Variants in TNR observed in about 807,000 individuals in gnomAD.
TNR encodes the protein tenascin-R.
TNR carries 45 observed loss-of-function variants against 150.4 expected under a neutral mutation model. The ratio of observed to expected loss-of-function variants is 0.30; its 90% confidence interval spans 0.24 to 0.38. The LOEUF is 0.38. Ranked by LOEUF, TNR falls within the 10% of genes least tolerant of loss-of-function variation. TNR has a pLI of 1.00. For missense variants in TNR, 1,544 were observed against 1,759.1 expected (o/e 0.88, Z 2.19); for synonymous variants, 687 against 678.4 (o/e 1.01, Z -0.20).
chr1:175,396,464 A>C lies in TNR; in HGVS notation c.1240+80T>G, dbSNP rs551883093. ...TCCAGGCATCCCTGAAGAACTAAGA[A>C]AAGACGCTACTATCATGAATGCCCA... On this transcript the variant is annotated intron_variant, in intron 5 of 22. Coordinates refer to ENST00000367674, the MANE Select transcript of TNR (RefSeq NM_003285.3). 23 of 1,520,102 alleles carry C rather than the reference A, an allele frequency of 1.5e-5. No individual in the cohort carries two copies. In the Admixed American group the frequency reaches 4.3e-4, roughly 28 times the overall value. The allele number at this position is 1,520,102 out of a possible 1,614,324, so 94.2% of individuals were successfully genotyped here.
intron 14 of TNR, among the ~76,000 whole-genome samples, chr1:175,360,885 A>G (rs1651559512): frequency 6.6e-6 from 1 of 152,210 alleles, no homozygotes; most frequent in Non-Finnish European, 1.5e-5. Context: ...ATAGACCTCA[A>G]CGTAAAACCA....
chr1:175,400,787 C>T (rs58805689), intron 4 of TNR, among the ~76,000 whole-genome samples: 1 of 152,160 alleles, frequency 6.6e-6, no homozygotes. Context: ...TGTGTGCACC[C>T]GGCCAGGAAC....
intron 9 of TNR, among the ~76,000 whole-genome samples, chr1:175,372,005 G>A (rs1410578617): frequency 6.6e-6 from 1 of 151,878 alleles, no homozygotes; most frequent in African/African-American, 2.4e-5. Context: ...GGTCATGGGG[G>A]TGGATCCCTC....
chr1:175,565,096 C>T (rs1489683605), intron 1 of TNR, among the ~76,000 whole-genome samples: 1 of 152,188 alleles, frequency 6.6e-6, no homozygotes, highest in Non-Finnish European at 1.5e-5. Flanking sequence ...ATGGTTCAGC[C>T]CATAAAGAAT....
chr1:175,394,895 T>TG (rs1342675501), intron 5 of TNR, among the ~76,000 whole-genome samples: 7 of 152,128 alleles, frequency 4.6e-5, no homozygotes, highest in Non-Finnish European at 1.0e-4. Flanking sequence ...ACCTCATCAC[T>TG]GTGCATGCAT....
At chr1:175,683,134 G>T (rs1156704820) in intron 1 of TNR, among the ~76,000 whole-genome samples, 1 of 151,994 alleles carries the variant, frequency 6.6e-6, no homozygotes. Context: ...TTTGTGCACT[G>T]GTCAAAAGAT....
At chr1:175,402,058 A>C (rs1331674542) in intron 4 of TNR, among the ~76,000 whole-genome samples, 1 of 152,180 alleles carries the variant, frequency 6.6e-6, no homozygotes, top group Non-Finnish European at 1.5e-5. Context: ...CTGTAATCCC[A>C]GCACTTTGGG....
chr1:175,355,358 G>C, intron 17 of TNR, 145 bp downstream of exon 17: 1 of 1,132,954 alleles, frequency 8.8e-7, no homozygotes, highest in Non-Finnish European at 1.2e-6. Flanking sequence ...AGCAGGCTGG[G>C]TATCCTTGAT....
At chr1:175,629,535 T>C (rs1245905488) in intron 1 of TNR, among the ~76,000 whole-genome samples, 1 of 151,946 alleles carries the variant, frequency 6.6e-6, no homozygotes, top group South Asian at 2.1e-4. Flanking sequence ...AGGGGACAGG[T>C]GGGACTGGCC....
intron 1 of TNR, among the ~76,000 whole-genome samples, chr1:175,568,468 T>C (rs1454407040): frequency 6.6e-6 from 1 of 152,228 alleles, no homozygotes; most frequent in Non-Finnish European, 1.5e-5. Flanking sequence ...TCCTTCACTT[T>C]ACAAGAGGTG....
At chr1:175,647,924 T>A (rs1664853642) in intron 1 of TNR, among the ~76,000 whole-genome samples, 1 of 152,166 alleles carries the variant, frequency 6.6e-6, no homozygotes, top group South Asian at 2.1e-4. Context: ...CCTTCTCAAC[T>A]GTGTTCAAGT....
chr1:175,417,232 G>T (rs1042569192), intron 2 of TNR, among the ~76,000 whole-genome samples: 1 of 152,120 alleles, frequency 6.6e-6, no homozygotes, highest in Non-Finnish European at 1.5e-5. Flanking sequence ...GGTGAGCAGA[G>T]ATGAGTGTGG....
At chr1:175,354,544 AG>A (rs774281122) in intron 17 of TNR, 21 bp from the exon 18 acceptor site, 49 of 1,613,746 alleles carry the variant, frequency 3.0e-5, no homozygotes, top group Non-Finnish European at 3.9e-5. Flanking sequence ...AGCCAAAGGA[AG>A]GGTGGTGGAA....
Position 175,355,690 on chromosome 1 carries a change from T to A in TNR, c.3119-57A>T, listed in dbSNP as rs546006145. The A allele has an allele frequency of 6.9e-6, 11 of 1,605,822 alleles. No homozygotes were observed. The African/African-American group carries it at 8.0e-5, about 12-fold the overall frequency. On this transcript the variant is annotated intron_variant, in intron 16 of 22. Coordinates refer to ENST00000367674, the MANE Select transcript of TNR (RefSeq NM_003285.3). ...TGCCTCTCCAGCTCCTCCCCCTGCT[T>A]GATTTCAGGTATGGGTATCTGTTGC...
chr1:175,640,791 G>GTATATATATATATATATATATATATATA (rs59240572), intron 1 of TNR, among the ~76,000 whole-genome samples: 31 of 143,674 alleles, frequency 2.2e-4, no homozygotes, highest in African/African-American at 7.2e-4. Context: ...GTGTGTGTGG[G>GTATATATATATATATATATATATATATA]TATATATATA....
chr1:175,720,021 G>T (rs1474031885), intron 1 of TNR, among the ~76,000 whole-genome samples: 5 of 152,222 alleles, frequency 3.3e-5, no homozygotes, highest in African/African-American at 4.8e-5. Context: ...CAAAGAGGGA[G>T]ATCTGGACTG....
intron 1 of TNR, among the ~76,000 whole-genome samples, chr1:175,627,436 T>C (rs967135153): frequency 3.9e-5 from 6 of 152,208 alleles, no homozygotes; most frequent in Admixed American, 6.5e-5. Context: ...TTTAGCTTTA[T>C]AAATTTCCAT....
chr1:175,508,648 C>T (rs539388179), intron 2 of TNR, among the ~76,000 whole-genome samples: 2 of 152,284 alleles, frequency 1.3e-5, no homozygotes, highest in African/African-American at 4.8e-5. Context: ...CCTCGAGGAC[C>T]CATGGGTGTG....
Position 175,651,072 on chromosome 1 carries a change from TCTCATTACTCCCCCCCAC to T in TNR, c.-165+92136_-165+92153del, listed in dbSNP as rs1403129910. On this transcript the variant is annotated intron_variant, in intron 1 of 22. Coordinates refer to ENST00000367674, the MANE Select transcript of TNR (RefSeq NM_003285.3). ...CCCACCTCATTACTACCCCTCCCCA[TCTCATTACTCCCCCCCAC>T]CTCATTACTACCCCTCCCCATCTCA... 2.6e-3 allele frequency among the ~76,000 whole-genome samples: 11 copies of T among 4,284 alleles called. No individual in the cohort carries two copies. The South Asian group carries it at 0.029, about 11-fold the overall frequency. The allele number at this position is 4,284 out of a possible 152,430, so 2.8% of individuals were successfully genotyped here.
Sources: gnomAD v4.1 joint callset for allele counts (sites outside exome capture counted in the v4.1 genomes callset) on GRCh38, gnomAD v4.1.1 for gene constraint, MANE v1.5 for transcripts, NCBI Gene and HGNC (gene_info 2026-07-23, HGNC 2026-07-21) for gene names.